TRIB2: variants seen among roughly 807,000 people sequenced by gnomAD.
TRIB2 encodes tribbles pseudokinase 2.
Under a neutral mutation model 26.8 loss-of-function variants are expected in TRIB2, and 2 were observed. The ratio of observed to expected loss-of-function variants is 0.07; its 90% CI spans 0.03 to 0.24. The LOEUF (loss-of-function observed/expected upper bound fraction) is 0.24. Ranked by LOEUF, TRIB2 falls within the 10% of genes least tolerant of loss-of-function variation. The probability of loss-of-function intolerance (pLI) is 1.00; values close to 1 mark genes in which losing one functional copy is unlikely to be tolerated. For missense variants in TRIB2, 306 were observed against 449.0 expected (o/e 0.68, Z 2.88); for synonymous variants, 189 against 187.3 (o/e 1.01, Z -0.08).
intron 2 of TRIB2, among the ~76,000 whole-genome samples, chr2:12,727,153 C>T (rs1404155442): frequency 6.6e-6 from 1 of 152,176 alleles, no homozygotes; most frequent in Non-Finnish European, 1.5e-5. Flanking sequence ...GCTACCTGAT[C>T]TTGGATAAGT....
intron 2 of TRIB2, among the ~76,000 whole-genome samples, chr2:12,728,383 C>T (rs1028429427): frequency 1.2e-4 from 19 of 152,242 alleles, no homozygotes; most frequent in African/African-American, 3.4e-4. Flanking sequence ...ACTCAAGATG[C>T]GAAGAGCCCT....
intron 2 of TRIB2, among the ~76,000 whole-genome samples, chr2:12,728,348 G>C (rs904051293): frequency 9.4e-6 from 1 of 106,598 alleles, no homozygotes; most frequent in African/African-American, 5.7e-5. Flanking sequence ...GTCACTCTGT[G>C]GTCACAGGGC....
chr2:12,731,709 C>T (rs1377478963), intron 2 of TRIB2, among the ~76,000 whole-genome samples: 1 of 152,230 alleles, frequency 6.6e-6, no homozygotes, highest in Non-Finnish European at 1.5e-5. Flanking sequence ...TCTCCACAAG[C>T]CTGTGTGGGG....
At chr2:12,734,293 T>G (rs530516885) in intron 2 of TRIB2, among the ~76,000 whole-genome samples, 1 of 152,280 alleles carries the variant, frequency 6.6e-6, no homozygotes, top group East Asian at 1.9e-4. Flanking sequence ...TGGGAAATGT[T>G]TATTCTTCTC....
At position 12,718,718 on chromosome 2, in the gene TRIB2, C is replaced by G; in HGVS notation, c.270+141C>G. On this transcript the variant is annotated intron_variant, in intron 1 of 2. Coordinates refer to ENST00000155926, the MANE Select transcript of TRIB2 (RefSeq NM_021643.4). The surrounding 1 kb of genome is among the most constrained non-coding windows in gnomAD (Gnocchi z 4.0). ...AAATGGGTTTATTTATTTATTTGCTCAGGTTCGGTAAGTTGCGAAGTTTTT... is the reference window on the plus strand; with the variant it reads ...AAATGGGTTTATTTATTTATTTGCTGAGGTTCGGTAAGTTGCGAAGTTTTT... The G allele has an allele frequency of 1.6e-6, 2 of 1,252,090 alleles. No individual in the cohort carries two copies. Among genetic ancestry groups the G allele is most frequent in the Non-Finnish European group, 2.2e-6 (2 of 925,140 alleles). 77.6% of individuals were successfully genotyped at this position (1,252,090 alleles called of 1,614,324 possible). A position where few individuals can be genotyped will look rare whatever the true frequency, so the allele number is the denominator to read the frequency against.
At chr2:12,735,109 C>A (rs992651986) in intron 2 of TRIB2, among the ~76,000 whole-genome samples, 1 of 152,212 alleles carries the variant, frequency 6.6e-6, no homozygotes. Flanking sequence ...CCATTCCTCT[C>A]GCGTGGTATG....
At chr2:12,738,472 A>C (rs900641431) in intron 2 of TRIB2, among the ~76,000 whole-genome samples, 8 of 151,324 alleles carry the variant, frequency 5.3e-5, no homozygotes, top group African/African-American at 1.2e-4. Context: ...CCTAACTCCA[A>C]CTCCTCCCCA....
chr2:12,717,631 T>G lies in TRIB2; in HGVS notation c.-677T>G, dbSNP rs1169287272. 1.3e-5 allele frequency: 5 copies of G among 395,706 alleles called. No homozygotes were observed. Among genetic ancestry groups the G allele is most frequent in the Non-Finnish European group, 2.2e-5 (5 of 224,838 alleles). 24.5% of individuals were successfully genotyped at this position (395,706 alleles called of 1,614,324 possible). A position where few individuals can be genotyped will look rare whatever the true frequency, so the allele number is the denominator to read the frequency against. ...TTCTTTTTTTTGTTTGTTTGTTTAATTTTTGGAGAGCTCGCGATCTTGGAA... is the reference window on the plus strand; with the variant it reads ...TTCTTTTTTTTGTTTGTTTGTTTAAGTTTTGGAGAGCTCGCGATCTTGGAA... On this transcript the variant is annotated 5_prime_UTR_variant, in exon 1 of 3. Transcript: ENST00000155926. This position sits in a 1 kb window ranked among gnomAD's most constrained non-coding sequence, Gnocchi z 4.8.
At chr2:12,735,130 G>T (rs1661541300) in intron 2 of TRIB2, among the ~76,000 whole-genome samples, 2 of 152,172 alleles carry the variant, frequency 1.3e-5, no homozygotes, top group Non-Finnish European at 1.5e-5. Context: ...CATCCTGAAA[G>T]GTCCTCGTTG....
chr2:12,730,339 GCCCC>G (rs1470186803), intron 2 of TRIB2, among the ~76,000 whole-genome samples: 1 of 152,192 alleles, frequency 6.6e-6, no homozygotes, highest in Non-Finnish European at 1.5e-5. Context: ...TGGTACCCAG[GCCCC>G]TGGCTCCAGA....
chr2:12,733,430 G>A (rs11902337), intron 2 of TRIB2, among the ~76,000 whole-genome samples: 24,542 of 152,158 alleles, frequency 0.16, 2,169 homozygotes, highest in Middle Eastern at 0.23. Flanking sequence ...ATTTTGGAAA[G>A]GACAATGGCG....
chr2:12,736,339 G>T (rs1434157775), intron 2 of TRIB2, among the ~76,000 whole-genome samples: 8 of 152,086 alleles, frequency 5.3e-5, no homozygotes, highest in Non-Finnish European at 1.2e-4. Context: ...GAGGGAGATG[G>T]TCGAGAGTCC....
In TRIB2 at chr2:12,717,288, G is replaced by A. The variant is rs1666611922; in HGVS notation, c.-1020G>A. The A allele has an allele frequency of 5.0e-6, 2 of 398,130 alleles. No homozygotes were observed. Among genetic ancestry groups the A allele is most frequent in the Non-Finnish European group, 8.9e-6 (2 of 225,836 alleles). The allele number at this position is 398,130 out of a possible 1,614,324, so 24.7% of individuals were successfully genotyped here. On this transcript the variant is annotated 5_prime_UTR_variant, in exon 1 of 3. Coordinates refer to ENST00000155926, the MANE Select transcript of TRIB2 (RefSeq NM_021643.4). This position sits in a 1 kb window ranked among gnomAD's most constrained non-coding sequence, Gnocchi z 4.8. Reference sequence around the variant, plus strand: ...GTTCTCCAGCGGGAAAGGGGCAAAGGAACGCCGCGCGTTGGAAGGGCCAGG... The same window carrying A: ...GTTCTCCAGCGGGAAAGGGGCAAAGAAACGCCGCGCGTTGGAAGGGCCAGG...
intron 2 of TRIB2, among the ~76,000 whole-genome samples, chr2:12,733,058 A>T (rs1306374922): frequency 5.3e-5 from 8 of 152,132 alleles, no homozygotes; most frequent in Admixed American, 5.2e-4. Flanking sequence ...GTGCTGTTTA[A>T]AGATTGGAAA....
In TRIB2 at chr2:12,718,081, T is replaced by G. The variant is rs1666638314; in HGVS notation, c.-227T>G. ...CTTTGGGGTAACAAAAAGACCCGAG[T>G]TGCCTGCCGACCGAGGACCCCCGGG... On this transcript the variant is annotated 5_prime_UTR_variant, in exon 1 of 3. Transcript: ENST00000155926. This position sits in a 1 kb window ranked among gnomAD's most constrained non-coding sequence, Gnocchi z 4.0. 4 of 590,166 alleles carry G rather than the reference T, an allele frequency of 6.8e-6. No homozygotes were observed. The highest frequency in any genetic ancestry group is 2.9e-5 in the East Asian group (1 of 34,898). 36.6% of individuals were successfully genotyped at this position (590,166 alleles called of 1,614,324 possible).
chr2:12,721,895 C>T (rs980464978), intron 1 of TRIB2, among the ~76,000 whole-genome samples: 1 of 152,116 alleles, frequency 6.6e-6, no homozygotes, highest in African/African-American at 2.4e-5. Context: ...TCAGAAAGCC[C>T]GTGAATCCCC....
At position 12,723,492 on chromosome 2, in the gene TRIB2, A is replaced by G. The variant is rs769503190; in HGVS notation, c.503A>G (p.Asp168Gly). 3.1e-6 allele frequency: 5 copies of G among 1,614,064 alleles called. No homozygotes were observed. Among genetic ancestry groups the G allele is most frequent in the Non-Finnish European group, 4.2e-6 (5 of 1,180,048 alleles). Residue 168 changes from aspartate to glycine, a missense_variant, in exon 2 of 3, where the codon GAC becomes GGC. Transcript: ENST00000155926. Reference sequence around the variant, plus strand: ...GCCTCGGCAGTGGCCCACTGCCATGACGGGGGGCTGGTGCTGCGGGACCTC... The same window carrying G: ...GCCTCGGCAGTGGCCCACTGCCATGGCGGGGGGCTGGTGCTGCGGGACCTC... Reference protein sequence around the residue: ...QIASAVAHCHDGGLVLRDLKL... With the variant: ...QIASAVAHCHGGGLVLRDLKL...
chr2:12,739,939 C>T (rs1661676976), intron 2 of TRIB2, among the ~76,000 whole-genome samples: 1 of 152,140 alleles, frequency 6.6e-6, no homozygotes, highest in African/African-American at 2.4e-5. Flanking sequence ...TTGGTTAGGT[C>T]TCGGTTTGAA....
In TRIB2 at chr2:12,718,950, C is replaced by A. The variant is rs1049023913; in HGVS notation, c.270+373C>A. 3.9e-5 allele frequency among the ~76,000 whole-genome samples: 6 copies of A among 152,116 alleles called. No homozygotes were observed. The highest frequency in any genetic ancestry group is 3.9e-4 in the Admixed American group (6 of 15,288). On this transcript the variant is annotated intron_variant, in intron 1 of 2. Transcript: ENST00000155926. This position sits in a 1 kb window ranked among gnomAD's most constrained non-coding sequence, Gnocchi z 4.0. ...CCCTTCCAACAAGGATTAGGGAATC[C>A]CCCGGTAATTTTAAGACTGATGACT...
Sources: allele counts gnomAD v4.1 joint callset (sites outside exome capture counted in the v4.1 genomes callset), GRCh38; gene constraint gnomAD v4.1.1; non-coding constraint Gnocchi (gnomAD v3.1); transcripts MANE v1.5; gene names NCBI Gene and HGNC (gene_info 2026-07-23, HGNC 2026-07-21).